The following AOAH variants were observed in gnomAD, a reference collection of about 807,000 sequenced individuals.
AOAH encodes the protein acyloxyacyl hydrolase (neutrophil).
Under a neutral mutation model 92.2 loss-of-function variants are expected in AOAH, and 64 were observed. The observed-to-expected ratio is 0.69, with a 90% confidence interval of 0.57 to 0.86. The LOEUF is 0.86. Ranked by LOEUF, AOAH falls within the 40% of genes least tolerant of loss-of-function variation. The pLI, the probability that AOAH is intolerant of heterozygous loss-of-function variation, is 0.00. For missense variants in AOAH, 656 were observed against 694.6 expected, an observed-to-expected ratio of 0.94 and a Z score of 0.62; for synonymous variants, 263 against 254.5, an observed-to-expected ratio of 1.03 and a Z score of -0.32.
At chr7:36,676,633 C>A (rs959182222) in intron 2 of AOAH, among the ~76,000 whole-genome samples, 1 of 152,100 alleles carries the variant, frequency 6.6e-6, no homozygotes, top group African/African-American at 2.4e-5. Context: ...AAAAGTCAAG[C>A]GACTCAGAAC....
At chr7:36,517,184 T>TTCTC (rs1408716536) in intron 20 of AOAH, among the ~76,000 whole-genome samples, 5 of 61,090 alleles carry the variant, frequency 8.2e-5, no homozygotes, top group Middle Eastern at 6.6e-3. Flanking sequence ...CTTTCTTTCT[T>TTCTC]TCTTTCTTTC....
rs73344059 is a variant in AOAH, at chr7:36,680,566, T to C, written c.223+6133A>G. 8.1e-3 allele frequency among the ~76,000 whole-genome samples: 1,239 copies of C among 152,338 alleles called. 14 individuals are homozygous for C. The highest frequency in any genetic ancestry group is 0.028 in the African/African-American group (1,184 of 41,580). On this transcript the variant is annotated intron_variant, in intron 2 of 20. Transcript: ENST00000617537. ...TAGGCACTGTGGGTCAGGCCTATTATGTCTTCCAGGAGAAATCCTTAGCTA... is the reference window on the plus strand; with the variant it reads ...TAGGCACTGTGGGTCAGGCCTATTACGTCTTCCAGGAGAAATCCTTAGCTA...
chr7:36,528,277 C>G (rs3779223), intron 19 of AOAH, among the ~76,000 whole-genome samples: 6,268 of 152,310 alleles, frequency 0.041, 198 homozygotes, highest in East Asian at 0.13. Flanking sequence ...TGCCTAGGAG[C>G]TTTCTCCCAC....
intron 4 of AOAH, among the ~76,000 whole-genome samples, chr7:36,638,791 A>T (rs943283043): frequency 2.6e-5 from 4 of 152,218 alleles, no homozygotes; most frequent in Non-Finnish European, 4.4e-5. Context: ...TTGATGACTC[A>T]AGAGGAAAAG....
At chr7:36,612,451 G>T (rs1401783952) in intron 11 of AOAH, among the ~76,000 whole-genome samples, 9 of 151,874 alleles carry the variant, frequency 5.9e-5, no homozygotes, top group South Asian at 2.1e-4. Flanking sequence ...CCTATTTTTT[G>T]ATTTTTAGTT....
chr7:36,552,182 A>C (rs1786312945), intron 13 of AOAH, among the ~76,000 whole-genome samples: 2 of 152,170 alleles, frequency 1.3e-5, no homozygotes, highest in African/African-American at 4.8e-5. Context: ...AGGCCTCAGC[A>C]TGTGTTGTTC....
chr7:36,660,722 A>G (rs1795169839), intron 3 of AOAH, among the ~76,000 whole-genome samples: 1 of 152,236 alleles, frequency 6.6e-6, no homozygotes, highest in South Asian at 2.1e-4. Flanking sequence ...GTTTACATCT[A>G]GATTCAACGT....
chr7:36,595,461 A>C (rs770557072), intron 11 of AOAH, among the ~76,000 whole-genome samples: 3 of 152,194 alleles, frequency 2.0e-5, no homozygotes, highest in Non-Finnish European at 4.4e-5. Flanking sequence ...TGAGCCCAGG[A>C]CGTCAAGGCT....
At chr7:36,520,309 T>TA (rs754353810) in intron 20 of AOAH, among the ~76,000 whole-genome samples, 1 of 152,234 alleles carries the variant, frequency 6.6e-6, no homozygotes, top group Non-Finnish European at 1.5e-5. Context: ...TTGTTCCTGA[T>TA]ACTTTACATG....
At chr7:36,517,210 C>CTTTCTTTCTTTCTTTCTTTCTTTCTT (rs1346473171) in intron 20 of AOAH, among the ~76,000 whole-genome samples, 15 of 66,796 alleles carry the variant, frequency 2.2e-4, no homozygotes, top group Non-Finnish European at 3.4e-4. Context: ...TTCTTTCTTT[C>CTTTCTTTCTTTCTTTCTTTCTTTCTT]TTTCTCTTTC....
chr7:36,717,009 TAAATAAATAA>T (rs1799239850), intron 1 of AOAH, among the ~76,000 whole-genome samples: 1 of 147,286 alleles, frequency 6.8e-6, no homozygotes. Context: ...AATAAATAAA[TAAATAAATAA>T]AAAAGCATAG....
chr7:36,514,643 C>T, intron 20 of AOAH: 1 of 1,249,006 alleles, frequency 8.0e-7, no homozygotes. Flanking sequence ...CCTGCAGACT[C>T]CAGATGGCTC....
At chr7:36,696,837 C>T (rs930807592) in intron 1 of AOAH, among the ~76,000 whole-genome samples, 1 of 151,246 alleles carries the variant, frequency 6.6e-6, no homozygotes, top group Non-Finnish European at 1.5e-5. Flanking sequence ...TGTACTCCAG[C>T]CTGGACTACA....
At chr7:36,581,049 G>C (rs1788895057) in intron 12 of AOAH, among the ~76,000 whole-genome samples, 1 of 152,168 alleles carries the variant, frequency 6.6e-6, no homozygotes, top group African/African-American at 2.4e-5. Context: ...CCAGAGTATG[G>C]GAGGGGCAGT....
intron 11 of AOAH, among the ~76,000 whole-genome samples, chr7:36,606,575 C>T (rs758195658): frequency 2.0e-5 from 3 of 152,166 alleles, no homozygotes; most frequent in Non-Finnish European, 4.4e-5. Flanking sequence ...TCACCCCCTC[C>T]CCCAACCTGT....
chr7:36,514,362 TG>T, intron 20 of AOAH: 1 of 743,054 alleles, frequency 1.3e-6, no homozygotes, highest in Non-Finnish European at 2.1e-6. Context: ...GGGTGGGGGG[TG>T]GGATCCTGGC....
intron 6 of AOAH, among the ~76,000 whole-genome samples, chr7:36,623,572 TTCAG>T (rs1379720652): frequency 6.6e-6 from 1 of 152,242 alleles, no homozygotes; most frequent in African/African-American, 2.4e-5. Context: ...GCACTTTGAG[TTCAG>T]TCAATGAACT....
intron 11 of AOAH, among the ~76,000 whole-genome samples, chr7:36,613,863 C>G (rs1791661651): frequency 6.6e-6 from 1 of 152,186 alleles, no homozygotes; most frequent in Non-Finnish European, 1.5e-5. Context: ...TTCAAAACAG[C>G]GCTCTTCATT....
At chr7:36,664,268 A>T (rs749304290) in intron 3 of AOAH, among the ~76,000 whole-genome samples, 23 of 151,958 alleles carry the variant, frequency 1.5e-4, no homozygotes, top group Admixed American at 5.2e-4. Context: ...TATGTCTGTG[A>T]TCCATTTTGA....
Sources: allele counts gnomAD v4.1 joint callset (sites outside exome capture counted in the v4.1 genomes callset), GRCh38; gene constraint gnomAD v4.1.1; transcripts MANE v1.5; gene names NCBI Gene and HGNC (gene_info 2026-07-23, HGNC 2026-07-21).